The following SDK2 variants were observed in gnomAD, a reference collection of about 807,000 sequenced individuals.
SDK2 encodes protein sidekick-2.
SDK2 carries 105 observed loss-of-function variants against 253.9 expected under a neutral mutation model. The observed-to-expected ratio is 0.41, with a 90% CI of 0.35 to 0.49. The LOEUF is 0.49. Ranked by LOEUF, SDK2 falls within the 20% of genes least tolerant of loss-of-function variation. The pLI, the probability that SDK2 is intolerant of heterozygous loss-of-function variation, is 0.06. For synonymous variants in SDK2, 1,249 were observed against 1,234.9 expected, an observed-to-expected ratio of 1.01 and a Z score of -0.24; for missense variants, 2,608 against 3,003.0, an observed-to-expected ratio of 0.87 and a Z score of 3.07.
intron 44 of SDK2, among the ~76,000 whole-genome samples, chr17:73,343,850 T>A (rs2062460236): frequency 6.6e-6 from 1 of 152,202 alleles, no homozygotes; most frequent in Non-Finnish European, 1.5e-5. Flanking sequence ...TCTTGTTGAA[T>A]CTCATGAAGT....
chr17:73,342,934 G>A (rs957657191), intron 44 of SDK2, among the ~76,000 whole-genome samples: 2 of 152,194 alleles, frequency 1.3e-5, no homozygotes, highest in Non-Finnish European at 2.9e-5. Flanking sequence ...GATGGAGTGA[G>A]AAGCCTCAAA....
Position 73,466,931 on chromosome 17 carries a change from G to A in SDK2, c.331+5181C>T, listed in dbSNP as rs894190123. On this transcript the variant is annotated intron_variant, in intron 3 of 44. Transcript: ENST00000392650. ...AAAGTCCCAAGCTAGTCAGTGCCTCGGTTGGGGCGAGAATCCACGCTTTCG... is the reference window on the plus strand; with the variant it reads ...AAAGTCCCAAGCTAGTCAGTGCCTCAGTTGGGGCGAGAATCCACGCTTTCG... Among the ~76,000 whole-genome samples the A allele has an allele frequency of 2.0e-5, 3 of 152,148 alleles. No individual in the cohort carries two copies. In the East Asian group the frequency reaches 5.8e-4, roughly 29 times the overall value.
intron 2 of SDK2, among the ~76,000 whole-genome samples, chr17:73,474,621 C>T (rs2063673035): frequency 6.6e-6 from 1 of 152,224 alleles, no homozygotes; most frequent in Non-Finnish European, 1.5e-5. Flanking sequence ...GGGGAGACAG[C>T]AGTGCCCAAG....
At chr17:73,399,946 C>T (rs567882475) in intron 21 of SDK2, among the ~76,000 whole-genome samples, 107 of 152,318 alleles carry the variant, frequency 7.0e-4, no homozygotes, top group Non-Finnish European at 1.3e-3. Flanking sequence ...AGCAACACCT[C>T]CCTCAGGGTT....
Position 73,467,837 on chromosome 17 carries a change from G to A in SDK2, c.331+4275C>T, listed in dbSNP as rs150888227. Among the ~76,000 whole-genome samples the A allele has an allele frequency of 2.1e-3, 318 of 152,340 alleles. No homozygotes were observed. The highest frequency in any genetic ancestry group is 0.017 in the Middle Eastern group (5 of 294). On this transcript the variant is annotated intron_variant, in intron 3 of 44. Coordinates refer to ENST00000392650, the MANE Select transcript of SDK2 (RefSeq NM_001144952.2). This position sits in a 1 kb window ranked among gnomAD's most constrained non-coding sequence, Gnocchi z 4.1. ...GAAACAGCTTCACACCTGCAAAGCC[G>A]TGCACAGTAGCAGATGCAGCTTCCC...
Position 73,585,788 on chromosome 17 carries a change from T to C in SDK2, c.64+58237A>G, listed in dbSNP as rs2045595694. 2.0e-5 allele frequency among the ~76,000 whole-genome samples: 3 copies of C among 152,306 alleles called. No homozygotes were observed. In the South Asian group the frequency reaches 6.2e-4, roughly 32 times the overall value. On this transcript the variant is annotated intron_variant, in intron 1 of 44. Coordinates refer to ENST00000392650, the MANE Select transcript of SDK2 (RefSeq NM_001144952.2). ...CCAGAAGGGACTTAGGAGCCAGCAC[T>C]GTGATTTGAAAATGAGCTTTTCCAC...
In SDK2 at chr17:73,379,807, T is replaced by G. The variant is rs955972908; in HGVS notation, c.4763-258A>C. On this transcript the variant is annotated intron_variant, in intron 34 of 44. Transcript: ENST00000392650. The surrounding 1 kb of genome is among the most constrained non-coding windows in gnomAD (Gnocchi z 4.5). ...CATTTTATTGTTCAACTGGACACTT[T>G]TGAGACTGAAACCACTATGAATATT... Among the ~76,000 whole-genome samples the G allele has an allele frequency of 5.5e-4, 1 of 1,810 alleles. No homozygotes were observed. Among genetic ancestry groups the G allele is most frequent in the African/African-American group, 1.1e-3 (1 of 880 alleles). The allele number at this position is 1,810 out of a possible 152,430, so 1.2% of individuals were successfully genotyped here. A position where few individuals can be genotyped will look rare whatever the true frequency, so the allele number is the denominator to read the frequency against.
At chr17:73,375,359 C>T (rs2062769489) in intron 36 of SDK2, among the ~76,000 whole-genome samples, 1 of 151,450 alleles carries the variant, frequency 6.6e-6, no homozygotes, top group South Asian at 2.1e-4. Flanking sequence ...CTCCCACCTC[C>T]CACCCCGTTG....
intron 18 of SDK2, among the ~76,000 whole-genome samples, chr17:73,411,762 G>A (rs181874817): frequency 1.1e-3 from 161 of 148,924 alleles, no homozygotes; most frequent in Non-Finnish European, 1.8e-3. Context: ...GAGAGCAAAT[G>A]TACTACTACT....
rs3079765 is a variant in SDK2, at chr17:73,337,053, A to ATGTGTGTGTGTGTGTG, written c.*1518_*1533dup. The ATGTGTGTGTGTGTGTG allele has an allele frequency of 2.7e-5, 4 of 148,710 alleles. No individual in the cohort carries two copies. The highest frequency in any genetic ancestry group is 9.9e-5 in the African/African-American group (4 of 40,520). The allele number at this position is 148,710 out of a possible 1,614,324, so 9.2% of individuals were successfully genotyped here. A position where few individuals can be genotyped will look rare whatever the true frequency, so the allele number is the denominator to read the frequency against. On this transcript the variant is annotated 3_prime_UTR_variant, in exon 45 of 45. Coordinates refer to ENST00000392650, the MANE Select transcript of SDK2 (RefSeq NM_001144952.2). ...TCCTTGGAGCAGATTGTGTATGTGT[A>ATGTGTGTGTGTGTGTG]TGTGTGTGTGTGTGTGTGTGTGTGT...
intron 44 of SDK2, among the ~76,000 whole-genome samples, chr17:73,339,731 T>A (rs1280220468): frequency 6.6e-6 from 1 of 151,858 alleles, no homozygotes. Flanking sequence ...CTTAAAAAAA[T>A]TTTTCTCTTG....
At position 73,380,886 on chromosome 17, in the gene SDK2, A is replaced by G; in HGVS notation, c.4762+8T>C. 1 of 1,555,742 alleles carries G rather than the reference A, an allele frequency of 6.4e-7. No homozygotes were observed. Among genetic ancestry groups the G allele is most frequent in the Non-Finnish European group, 8.7e-7 (1 of 1,148,894 alleles). ...CCCGCGATGAAGCCACCATGCAAGGAGACTTACTGTCCAGCTCGTACTGCG... is the reference window on the plus strand; with the variant it reads ...CCCGCGATGAAGCCACCATGCAAGGGGACTTACTGTCCAGCTCGTACTGCG... On this transcript the variant is annotated splice_region_variant and intron_variant, in intron 34 of 44. Coordinates refer to ENST00000392650, the MANE Select transcript of SDK2 (RefSeq NM_001144952.2).
At chr17:73,602,954 A>G (rs1192133902) in intron 1 of SDK2, among the ~76,000 whole-genome samples, 1 of 152,090 alleles carries the variant, frequency 6.6e-6, no homozygotes, top group Non-Finnish European at 1.5e-5. Flanking sequence ...CAAACTCCTG[A>G]CCTCAAGTGA....
intron 1 of SDK2, among the ~76,000 whole-genome samples, chr17:73,574,060 T>C (rs1314562721): frequency 6.6e-6 from 1 of 152,208 alleles, no homozygotes; most frequent in Non-Finnish European, 1.5e-5. Context: ...CGCTCACATC[T>C]ATGCGCTTCC....
chr17:73,510,954 AGG>A (rs2063975449), intron 1 of SDK2, among the ~76,000 whole-genome samples: 1 of 152,148 alleles, frequency 6.6e-6, no homozygotes, highest in Non-Finnish European at 1.5e-5. Context: ...GGTCCCTTCC[AGG>A]GGCACTTGTG....
rs2046429599 is a variant in SDK2, at chr17:73,643,914, G to T, written c.64+111C>A. 6 of 968,238 alleles carry T rather than the reference G, an allele frequency of 6.2e-6. No individual in the cohort carries two copies. The highest frequency in any genetic ancestry group is 9.4e-6 in the Non-Finnish European group (6 of 635,228). The allele number at this position is 968,238 out of a possible 1,614,324, so 60.0% of individuals were successfully genotyped here. The stretch of plus-strand genomic sequence containing the variant: ...AACTCCCTGGAGAGGGCTCTGCCAC[G>T]GCTAAGCCGGGTGTCCAGGAGGTCA... On this transcript the variant is annotated intron_variant, in intron 1 of 44. Coordinates refer to ENST00000392650, the MANE Select transcript of SDK2 (RefSeq NM_001144952.2). The surrounding 1 kb of genome is among the most constrained non-coding windows in gnomAD (Gnocchi z 6.9).
chr17:73,477,086 C>T (rs1404746434), intron 2 of SDK2, among the ~76,000 whole-genome samples: 1 of 152,228 alleles, frequency 6.6e-6, no homozygotes, highest in Non-Finnish European at 1.5e-5. Context: ...TTGCAGCTCT[C>T]GTCTCCCTGC....
chr17:73,499,591 T>G (rs2063869875), intron 2 of SDK2, among the ~76,000 whole-genome samples: 1 of 152,198 alleles, frequency 6.6e-6, no homozygotes, highest in Admixed American at 6.5e-5. Flanking sequence ...CACAGTGATG[T>G]GGGGCAGGGA....
chr17:73,401,858 G>T, intron 19 of SDK2, 88 bp downstream of exon 19: 1 of 1,395,322 alleles, frequency 7.2e-7, no homozygotes, highest in Non-Finnish European at 9.9e-7. Context: ...CAGCCTGGGA[G>T]ACAAGCCTGG....
Sources: gnomAD v4.1 joint callset for allele counts (sites outside exome capture counted in the v4.1 genomes callset) on GRCh38, gnomAD v4.1.1 for gene constraint, Gnocchi (gnomAD v3.1) non-coding constraint, MANE v1.5 for transcripts, NCBI Gene and HGNC (gene_info 2026-07-23, HGNC 2026-07-21) for gene names.